Variants in ELP1 observed in about 807,000 individuals in gnomAD.
ELP1 encodes elongator acetyltransferase complex subunit 1.
ELP1 carries 131 observed loss-of-function variants against 183.2 expected under a neutral mutation model. That is an observed-to-expected ratio of 0.72 (90% CI 0.62 to 0.83). The LOEUF is 0.83. ELP1 is among the 40% of genes least tolerant of loss of function. The pLI is 0.00. For missense variants in ELP1, 1,550 were observed against 1,594.9 expected (o/e 0.97, Z 0.48); for synonymous variants, 555 against 569.0 (o/e 0.98, Z 0.35).
At chr9:108,923,094 G>T (rs1829709523) in intron 5 of ELP1, among the ~76,000 whole-genome samples, 167 bp from the exon 6 acceptor site, 1 of 152,242 alleles carries the variant, frequency 6.6e-6, no homozygotes. Context: ...TTCAGGCTGG[G>T]CATGGTGGCT....
At position 108,912,149 on chromosome 9, in the gene ELP1, C is replaced by G. The variant is rs1337020122; in HGVS notation, c.1189+115G>C. 5 of 836,394 alleles carry G rather than the reference C, an allele frequency of 6.0e-6. No individual in the cohort carries two copies. The African/African-American group carries it at 8.4e-5, about 14-fold the overall frequency. 51.8% of individuals were successfully genotyped at this position (836,394 alleles called of 1,614,324 possible). A position where few individuals can be genotyped will look rare whatever the true frequency, so the allele number is the denominator to read the frequency against. The stretch of plus-strand genomic sequence containing the variant: ...TCCCATTCAATAAAAAAACAAGTAA[C>G]CCAAACAGCCAAAACAAATAAAGAT... On this transcript the variant is annotated intron_variant, in intron 11 of 36. Transcript: ENST00000374647.
chr9:108,895,763 T>G (rs563643417), intron 25 of ELP1, among the ~76,000 whole-genome samples: 1 of 152,156 alleles, frequency 6.6e-6, no homozygotes, highest in East Asian at 1.9e-4. Context: ...TGCATACCAG[T>G]GGTGTTCAAA....
At chr9:108,883,964 C>A (rs2131955897) in intron 29 of ELP1, among the ~76,000 whole-genome samples, 1 of 151,340 alleles carries the variant, frequency 6.6e-6, no homozygotes, top group East Asian at 1.9e-4. Flanking sequence ...ATGTCTAAAC[C>A]CTCCAATTAA....
chr9:108,927,993 C>T (rs1271058992), intron 3 of ELP1, among the ~76,000 whole-genome samples: 10 of 152,068 alleles, frequency 6.6e-5, no homozygotes, highest in African/African-American at 2.4e-4. Context: ...TAACTACAGT[C>T]AACAGTAATT....
In ELP1 at chr9:108,893,953, G is replaced by A. The variant is rs751180264; in HGVS notation, c.2850C>T (p.Leu950=). 2.5e-6 allele frequency: 4 copies of A among 1,613,816 alleles called. No homozygotes were observed. Among genetic ancestry groups the A allele is most frequent in the Non-Finnish European group, 3.4e-6 (4 of 1,179,864 alleles). The change falls in exon 26 of 37, where the codon CTC becomes CTT. Residue 950 remains leucine, a synonymous_variant. Transcript: ENST00000374647. ...LKRYEKAIGH[L]SKCGPEYFPE... ...AATCCCCACACTTACCACATTTGCTGAGGTGGCCAATGGCTTTTTCATATC... is the reference window on the plus strand; with the variant it reads ...AATCCCCACACTTACCACATTTGCTAAGGTGGCCAATGGCTTTTTCATATC...
chr9:108,878,351 C>T lies in ELP1; in HGVS notation c.3701-202G>A, dbSNP rs10435834. Among the ~76,000 whole-genome samples the T allele has an allele frequency of 0.4, 60,700 of 152,034 alleles. 12,793 individuals are homozygous for T. The highest frequency in any genetic ancestry group is 0.54 in the African/African-American group (22,341 of 41,478). On this transcript the variant is annotated intron_variant, in intron 34 of 36. Transcript: ENST00000374647. ...AAAATCAAGCACGCTGGGGGGCCTA[C>T]GCAGAAAGCAGTGTCCCACAATTCT...
intron 29 of ELP1, among the ~76,000 whole-genome samples, chr9:108,887,153 G>A (rs952911956): frequency 4.6e-5 from 7 of 152,062 alleles, no homozygotes; most frequent in Admixed American, 3.9e-4. Context: ...AGGTTGTAGT[G>A]AGCTGAGATC....
intron 28 of ELP1, 27 bp downstream of exon 28, chr9:108,891,176 T>G: frequency 1.2e-6 from 2 of 1,606,672 alleles, no homozygotes; most frequent in Non-Finnish European, 1.7e-6. Context: ...CCTTTGTAGA[T>G]GTAAACATAT....
intron 34 of ELP1, 88 bp downstream of exon 34, chr9:108,878,535 G>A: frequency 6.5e-7 from 1 of 1,547,718 alleles, no homozygotes; most frequent in Non-Finnish European, 8.9e-7. Context: ...GAAAATGGTA[G>A]CTTAATCACC....
rs371423819 is a variant in ELP1 at position 108,897,303 on chromosome 9, T to C, written c.2364-18A>G. ...CTTCTTCTCTAAGAACAGGTGTGTA[T>C]GGAATGGTCATCAACAGAACATGTA... is the stretch of plus-strand genomic sequence containing the variant. On this transcript the variant is annotated intron_variant, in intron 22 of 36. Transcript: ENST00000374647. 3.7e-6 allele frequency: 6 copies of C among 1,613,646 alleles called. No individual in the cohort carries two copies. Among genetic ancestry groups the C allele is most frequent in the Non-Finnish European group, 5.1e-6 (6 of 1,179,978 alleles).
intron 36 of ELP1, among the ~76,000 whole-genome samples, chr9:108,872,964 T>C (rs1158233219): frequency 2.0e-5 from 3 of 152,166 alleles, no homozygotes; most frequent in African/African-American, 7.2e-5. Context: ...AAAGTAATTA[T>C]TCTGACAAAT....
intron 36 of ELP1, among the ~76,000 whole-genome samples, chr9:108,871,284 GAT>G (rs1481325227): frequency 6.7e-6 from 1 of 149,674 alleles, no homozygotes; most frequent in Non-Finnish European, 1.5e-5. Flanking sequence ...CTGAATTAGA[GAT>G]GTGTGTTTGG....
chr9:108,884,224 T>C (rs192144855), intron 29 of ELP1, among the ~76,000 whole-genome samples: 95 of 152,240 alleles, frequency 6.2e-4, no homozygotes, highest in African/African-American at 2.1e-3. Flanking sequence ...TATAACATAC[T>C]CATAAACATG....
chr9:108,916,158 A>G, intron 10 of ELP1, 46 bp downstream of exon 10: 1 of 1,429,588 alleles, frequency 7.0e-7, no homozygotes, highest in Non-Finnish European at 9.9e-7. Context: ...TCTACTTTCA[A>G]CTACGTTTTA....
rs760154804 is a variant in ELP1 at position 108,931,095 on chromosome 9, G to C, written c.52C>G (p.Pro18Ala). The C allele has an allele frequency of 1.9e-6, 3 of 1,614,028 alleles. No individual in the cohort carries two copies. Among genetic ancestry groups the C allele is most frequent in the African/African-American group, 1.3e-5 (1 of 75,022 alleles). Residue 18 changes from proline to alanine, a missense_variant, in exon 2 of 37, where the codon CCA becomes GCA. By Grantham distance (27) the Pro-to-Ala change is conservative. Transcript: ENST00000374647. ...AGAGAGAAGCACTGAGGATTCCCTG[G>C]ACCTTGAATATCCCTGAACTCCAGG... ...RTLEFRDIQG[P>A]GNPQCFSLRT...
chr9:108,876,620 C>G (rs1346796451), intron 35 of ELP1, among the ~76,000 whole-genome samples: 2 of 152,080 alleles, frequency 1.3e-5, no homozygotes, highest in Non-Finnish European at 2.9e-5. Flanking sequence ...GAAAGATATT[C>G]TTCCTTGCTG....
chr9:108,878,207 T>C (rs1230082304), intron 34 of ELP1, 58 bp from the exon 35 acceptor site: 5 of 1,481,310 alleles, frequency 3.4e-6, no homozygotes, highest in Non-Finnish European at 4.7e-6. Flanking sequence ...ATTGACAGAA[T>C]CATACATAGC....
Position 108,919,328 on chromosome 9 carries a change from C to T in ELP1, c.574G>A (p.Asp192Asn), listed in dbSNP as rs775011794. The change falls in exon 7 of 37, where the codon GAT (aspartate) becomes AAT (asparagine). Residue 192 changes from aspartate to asparagine, a missense_variant. Physicochemically the swap from Asp to Asn is conservative, Grantham distance 23. Transcript: ENST00000374647. The part of the protein sequence containing the change: ...MQMHESALPW[D>N]DHRPQVTWRG... ...CAGGTAACTTGTGGTCTATGGTCAT[C>T]CCAGGGCAAAGCAGACTCATGCTAA... 5.0e-6 allele frequency: 8 copies of T among 1,613,566 alleles called. No individual in the cohort carries two copies. Among genetic ancestry groups the T allele is most frequent in the Admixed American group, 3.3e-5 (2 of 60,008 alleles).
At chr9:108,926,147 T>G (rs1033854421) in intron 5 of ELP1, among the ~76,000 whole-genome samples, 1 of 152,236 alleles carries the variant, frequency 6.6e-6, no homozygotes, top group East Asian at 1.9e-4. Flanking sequence ...ATTGTTCCCA[T>G]GGAAATGCAG....
Sources: allele counts gnomAD v4.1 joint callset (sites outside exome capture counted in the v4.1 genomes callset), GRCh38; gene constraint gnomAD v4.1.1; transcripts MANE v1.5; gene names NCBI Gene and HGNC (gene_info 2026-07-23, HGNC 2026-07-21).